Variants in TRIP12 observed in about 807,000 individuals in gnomAD.
TRIP12 encodes the protein E3 ubiquitin-protein ligase TRIP12.
TRIP12 carries 25 observed loss-of-function variants against 244.2 expected under a neutral mutation model. The observed-to-expected ratio is 0.10, with a 90% CI of 0.07 to 0.14. TRIP12 has a LOEUF of 0.14. Among genes scored for constraint, TRIP12 ranks in the 10% least tolerant of loss-of-function variants. TRIP12 has a pLI of 1.00. For synonymous variants in TRIP12, 905 were observed against 873.1 expected, an observed-to-expected ratio of 1.04 and a Z score of -0.64; for missense variants, 1,677 against 2,486.4, an observed-to-expected ratio of 0.67 and a Z score of 6.92.
At chr2:229,839,158 T>G (rs1373519949) in intron 5 of TRIP12, among the ~76,000 whole-genome samples, 1 of 152,174 alleles carries the variant, frequency 6.6e-6, no homozygotes, top group Non-Finnish European at 1.5e-5. Flanking sequence ...TTTTCTATGT[T>G]TAGATATGTT....
intron 4 of TRIP12, among the ~76,000 whole-genome samples, chr2:229,850,167 C>T (rs1271907558): frequency 1.3e-5 from 2 of 152,108 alleles, no homozygotes; most frequent in Non-Finnish European, 2.9e-5. Context: ...GCATACAAAA[C>T]AATATATAAC....
intron 1 of TRIP12, among the ~76,000 whole-genome samples, chr2:229,914,889 GAAAC>G (rs1046122462): frequency 2.6e-5 from 4 of 152,146 alleles, no homozygotes; most frequent in African/African-American, 4.8e-5. Context: ...TCTCTAAAAA[GAAAC>G]AAACAGAATA....
Position 229,850,215 on chromosome 2 carries a change from C to T in TRIP12, c.1027+8557G>A, listed in dbSNP as rs186428820. Among the ~76,000 whole-genome samples the T allele has an allele frequency of 9.3e-3, 1,421 of 152,190 alleles. 11 individuals carry two copies. The highest frequency in any genetic ancestry group is 0.02 in the Middle Eastern group (6 of 294). On this transcript the variant is annotated intron_variant, in intron 4 of 41. Coordinates refer to ENST00000675903, the MANE Select transcript of TRIP12 (RefSeq NM_001348323.3). ...AATTTCCAAACAATGTAATACAAAG[C>T]AAAGCCTTGTTAACAAAGAAGTCAA...
intron 1 of TRIP12, among the ~76,000 whole-genome samples, chr2:229,918,082 C>T (rs2075841300): frequency 6.6e-6 from 1 of 152,168 alleles, no homozygotes; most frequent in Non-Finnish European, 1.5e-5. Context: ...TCAACAAATG[C>T]AATACTGTAA....
intron 21 of TRIP12, among the ~76,000 whole-genome samples, chr2:229,801,616 A>G (rs1354585061): frequency 1.3e-5 from 2 of 152,232 alleles, no homozygotes; most frequent in Non-Finnish European, 2.9e-5. Context: ...ACACTTTTAG[A>G]GTGTGATTTG....
In TRIP12 at chr2:229,767,622, T is replaced by C; in HGVS notation, c.6136A>G (p.Ile2046Val). 1.2e-6 allele frequency: 2 copies of C among 1,614,174 alleles called. No individual in the cohort carries two copies. The highest frequency in any genetic ancestry group is 1.3e-5 in the African/African-American group (1 of 75,070). The change falls in exon 42 of 42, where the codon ATT (isoleucine) becomes GTT (valine). Residue 2046 changes from isoleucine to valine, a missense_variant. Coordinates refer to ENST00000675903, the MANE Select transcript of TRIP12 (RefSeq NM_001348323.3). ...AACAGTTTTTCACGCATTATCTCAA[T>C]GCTTGAATAGTCCGGCAACTTAAGA... The part of the protein sequence containing the change: ...NYLKLPDYSS[I>V]EIMREKLLIA...
Position 229,815,284 on chromosome 2 carries a change from T to C in TRIP12, c.1624A>G (p.Asn542Asp). The change falls in exon 10 of 42, where the codon AAT (asparagine) becomes GAT (aspartate). Residue 542 changes from asparagine (N) to aspartate (D), a missense_variant. By Grantham distance (23) the Asn-to-Asp change is conservative (BLOSUM62 1). Transcript: ENST00000675903. ...CAATATATACTTACAATATCAAAAT[T>C]GTGCTCCATCTGAAGTAACGTAATC... ...ALITLLQMEHNFDIMNHACRA... is the reference protein window; with the variant it reads ...ALITLLQMEHDFDIMNHACRA... The C allele has an allele frequency of 1.3e-6, 2 of 1,482,468 alleles. No individual in the cohort carries two copies. The highest frequency in any genetic ancestry group is 1.7e-5 in the Admixed American group (1 of 57,214). 91.8% of individuals were successfully genotyped at this position (1,482,468 alleles called of 1,614,324 possible).
chr2:229,794,764 C>A (rs2042396489), intron 26 of TRIP12: 1 of 152,060 alleles, frequency 6.6e-6, no homozygotes, highest in Non-Finnish European at 1.5e-5. Context: ...ACATTTGACC[C>A]CATCAAAATA....
chr2:229,840,102 C>T (rs546334448), intron 5 of TRIP12, among the ~76,000 whole-genome samples: 6 of 152,268 alleles, frequency 3.9e-5, no homozygotes, highest in African/African-American at 1.4e-4. Flanking sequence ...CTTTTTGATT[C>T]ATTAATCACA....
intron 2 of TRIP12, among the ~76,000 whole-genome samples, chr2:229,864,937 C>T (rs1363427530): frequency 3.9e-5 from 6 of 152,084 alleles, no homozygotes. Context: ...TAGTCAAATC[C>T]TTTACAGTAG....
chr2:229,897,371 G>C (rs1456875926), intron 1 of TRIP12, among the ~76,000 whole-genome samples: 1 of 152,212 alleles, frequency 6.6e-6, no homozygotes, highest in African/African-American at 2.4e-5. Context: ...TAAGGGGCCA[G>C]GTGCAGTGGC....
At chr2:229,795,061 T>C (rs1575103201) in intron 26 of TRIP12, 118 bp downstream of exon 26, 2 of 1,226,352 alleles carry the variant, frequency 1.6e-6, no homozygotes, top group Non-Finnish European at 2.2e-6. Context: ...TCTTTCATCA[T>C]TACAGCTGAA....
chr2:229,809,446 A>T (rs981596562), intron 15 of TRIP12, among the ~76,000 whole-genome samples: 1 of 152,204 alleles, frequency 6.6e-6, no homozygotes, highest in South Asian at 2.1e-4. Context: ...GGAGCATGCA[A>T]AAGAGGTGAA....
intron 1 of TRIP12, among the ~76,000 whole-genome samples, chr2:229,897,080 A>C (rs1450522273): frequency 5.3e-5 from 8 of 152,200 alleles, no homozygotes; most frequent in Non-Finnish European, 1.2e-4. Flanking sequence ...AGAGGAGTGT[A>C]CAGGAAATCT....
At chr2:229,841,008 C>G in intron 4 of TRIP12, 81 bp from the exon 5 acceptor site, 4 of 1,038,680 alleles carry the variant, frequency 3.9e-6, no homozygotes, top group Non-Finnish European at 5.6e-6. Context: ...TTCAGGTCAT[C>G]ATGTTCAAAA....
chr2:229,768,763 AAT>A (rs1372234371), intron 40 of TRIP12, 44 bp from the exon 41 acceptor site: 5 of 1,552,878 alleles, frequency 3.2e-6, no homozygotes, highest in Non-Finnish European at 4.3e-6. Flanking sequence ...ATCAGGTTAA[AAT>A]AGAGTTTTAA....
chr2:229,777,542 AAG>A, intron 36 of TRIP12, 63 bp from the exon 37 acceptor site: 1 of 1,541,372 alleles, frequency 6.5e-7, no homozygotes, highest in Non-Finnish European at 8.9e-7. Context: ...ACCTCCATCT[AAG>A]GCACTTCAGG....
At chr2:229,851,192 G>A (rs1304990823) in intron 4 of TRIP12, among the ~76,000 whole-genome samples, 3 of 152,196 alleles carry the variant, frequency 2.0e-5, no homozygotes, top group Admixed American at 2.0e-4. Context: ...AGTCTGGTGG[G>A]GACGTGGAGA....
chr2:229,774,488 G>C (rs2035587446), intron 37 of TRIP12, among the ~76,000 whole-genome samples: 2 of 152,194 alleles, frequency 1.3e-5, no homozygotes, highest in Admixed American at 1.3e-4. Flanking sequence ...TCTTCATTAT[G>C]AGATGCTGCT....
Sources: gnomAD v4.1 joint callset for allele counts (sites outside exome capture counted in the v4.1 genomes callset) on GRCh38, gnomAD v4.1.1 for gene constraint, MANE v1.5 for transcripts, NCBI Gene and HGNC (gene_info 2026-07-23, HGNC 2026-07-21) for gene names.